NCKAP5: variants seen among roughly 807,000 people sequenced by gnomAD.
NCKAP5 encodes NCK associated protein 5.
A neutral mutation model predicts 167.0 loss-of-function variants in NCKAP5; 92 were observed. That is an observed-to-expected ratio of 0.55 (90% CI 0.47 to 0.66). The LOEUF is 0.66. Among genes scored for constraint, NCKAP5 ranks in the 30% least tolerant of loss-of-function variants. The pLI, the probability that NCKAP5 is intolerant of heterozygous loss-of-function variation, is 0.00. For missense variants in NCKAP5, 2,378 were observed against 2,315.0 expected (o/e 1.03, Z -0.56); for synonymous variants, 891 against 877.4 (o/e 1.02, Z -0.27).
chr2:133,285,207 T>C (rs992655172), intron 4 of NCKAP5, among the ~76,000 whole-genome samples: 1 of 152,198 alleles, frequency 6.6e-6, no homozygotes, highest in African/African-American at 2.4e-5. Context: ...CATCTGACAG[T>C]GGTCCAGCTA....
At chr2:133,177,046 A>G (rs1006116792) in intron 5 of NCKAP5, among the ~76,000 whole-genome samples, 1 of 152,094 alleles carries the variant, frequency 6.6e-6, no homozygotes, top group African/African-American at 2.4e-5. Context: ...AAGTCTCATG[A>G]TGACATCTCA....
At chr2:133,146,746 T>G (rs2083212299) in intron 5 of NCKAP5, among the ~76,000 whole-genome samples, 1 of 152,086 alleles carries the variant, frequency 6.6e-6, no homozygotes, top group South Asian at 2.1e-4. Flanking sequence ...AGTAGGCATT[T>G]AGTGGTCTGG....
Position 132,952,891 on chromosome 2 carries a change from A to T in NCKAP5, c.579+10829T>A, listed in dbSNP as rs559551974. On this transcript the variant is annotated intron_variant, in intron 8 of 19. Coordinates refer to ENST00000409261, the MANE Select transcript of NCKAP5 (RefSeq NM_207363.3). ...CGCCACTTGGCGTGTTTGTTTGGGC[A>T]TGTGATTTGATGCTCTACAGATGGA... Among the ~76,000 whole-genome samples the T allele has an allele frequency of 3.3e-5, 5 of 152,320 alleles. No homozygotes were observed. In the South Asian group the frequency reaches 1.0e-3, roughly 32 times the overall value.
chr2:133,639,887 G>A, the NCKAP5 span, among the ~76,000 whole-genome samples: 6 of 151,972 alleles, frequency 3.9e-5, no homozygotes, highest in South Asian at 2.1e-4. Context: ...AAATAAATGC[G>A]GAATGTCATA....
intron 6 of NCKAP5, among the ~76,000 whole-genome samples, chr2:132,997,818 G>A (rs946121678): frequency 1.3e-5 from 2 of 149,972 alleles, no homozygotes; most frequent in African/African-American, 4.9e-5. Context: ...AAAAAAAATC[G>A]GTGCAAAGAA....
intron 3 of NCKAP5, among the ~76,000 whole-genome samples, chr2:133,465,487 A>C (rs1273710449): frequency 6.6e-6 from 1 of 152,054 alleles, no homozygotes; most frequent in Non-Finnish European, 1.5e-5. Context: ...ATGTGTCTTT[A>C]TAGCAGCATG....
chr2:132,891,787 C>A (rs1221119829), intron 8 of NCKAP5, among the ~76,000 whole-genome samples: 1 of 152,122 alleles, frequency 6.6e-6, no homozygotes, highest in East Asian at 1.9e-4. Context: ...GCCTGGAGTG[C>A]GAAGGCAAGA....
intron 3 of NCKAP5, among the ~76,000 whole-genome samples, chr2:133,392,428 C>T (rs1687473902): frequency 1.3e-5 from 2 of 152,162 alleles, no homozygotes; most frequent in Admixed American, 6.5e-5. Context: ...ATGCATTTCT[C>T]AGAATACATT....
chr2:133,387,760 C>T (rs548184411), intron 3 of NCKAP5, among the ~76,000 whole-genome samples: 53 of 152,196 alleles, frequency 3.5e-4, no homozygotes, highest in African/African-American at 1.2e-3. Flanking sequence ...TCTTTTTTCT[C>T]GAAATTTCTC....
At chr2:132,980,163 A>G (rs2077091907) in intron 7 of NCKAP5, among the ~76,000 whole-genome samples, 1 of 151,034 alleles carries the variant, frequency 6.6e-6, no homozygotes, top group Non-Finnish European at 1.5e-5. Context: ...CTAATTTTTT[A>G]TATTTTTTTG....
the NCKAP5 span, among the ~76,000 whole-genome samples, chr2:133,586,924 T>C: frequency 1.3e-5 from 2 of 152,126 alleles, no homozygotes; most frequent in Non-Finnish European, 2.9e-5. Flanking sequence ...TCTTGAACAC[T>C]AAGCAGGCAA....
chr2:133,226,176 A>G (rs1440738471), intron 4 of NCKAP5, among the ~76,000 whole-genome samples: 1 of 152,114 alleles, frequency 6.6e-6, no homozygotes, highest in African/African-American at 2.4e-5. Flanking sequence ...CCTGGGCTCA[A>G]GTGATCCTCC....
chr2:133,188,329 T>C (rs1445932001), intron 5 of NCKAP5, among the ~76,000 whole-genome samples: 1 of 151,990 alleles, frequency 6.6e-6, no homozygotes, highest in African/African-American at 2.4e-5. Flanking sequence ...CACACAATAA[T>C]GATGGGAGAC....
intron 6 of NCKAP5, among the ~76,000 whole-genome samples, chr2:133,085,223 G>A (rs1273295369): frequency 2.0e-5 from 3 of 152,060 alleles, no homozygotes; most frequent in Non-Finnish European, 4.4e-5. Flanking sequence ...ACATAGTACT[G>A]CTAAGAAGTC....
chr2:133,528,866 T>C (rs10204302), intron 2 of NCKAP5, among the ~76,000 whole-genome samples: 2,713 of 152,326 alleles, frequency 0.018, 86 homozygotes, highest in African/African-American at 0.061. Flanking sequence ...TTCTTGCCGC[T>C]TCCAGTGACA....
chr2:133,489,699 A>G (rs1413608746), intron 3 of NCKAP5, among the ~76,000 whole-genome samples: 2 of 152,220 alleles, frequency 1.3e-5, no homozygotes, highest in Non-Finnish European at 2.9e-5. Flanking sequence ...ACAATACAAT[A>G]CATGAGAGTT....
chr2:132,785,451 T>G lies in NCKAP5; in HGVS notation c.1360A>C (p.Thr454Pro). 6.2e-7 allele frequency: 1 copy of G among 1,613,766 alleles called. No homozygotes were observed. The highest frequency in any genetic ancestry group is 8.5e-7 in the Non-Finnish European group (1 of 1,179,766). Residue 454 changes from threonine (T) to proline (P), a missense_variant, in exon 14 of 20, where the codon ACA (threonine) becomes CCA (proline). Around this residue, in one of 3 missense-constraint regions of NCKAP5, gnomAD observed 1,049 missense variants for 1,023.4 expected, o/e 1.02. Coordinates refer to ENST00000409261, the MANE Select transcript of NCKAP5 (RefSeq NM_207363.3). ...TTGCAGGGGCTCCCCAGGTCAGCTGTTTTGCAGGGGGGATACTCCTTGAGG... is the reference window on the plus strand; with the variant it reads ...TTGCAGGGGCTCCCCAGGTCAGCTGGTTTGCAGGGGGGATACTCCTTGAGG... The part of the protein sequence containing the change: ...SSLKEYPPCK[T>P]ADLGSPCKEP...
chr2:133,067,155 G>A (rs1021196839), intron 6 of NCKAP5, among the ~76,000 whole-genome samples: 4 of 152,084 alleles, frequency 2.6e-5, no homozygotes, highest in African/African-American at 9.7e-5. Flanking sequence ...ATGAGCCACC[G>A]TGCCCGGCCC....
chr2:132,900,810 A>C (rs939446628), intron 8 of NCKAP5, among the ~76,000 whole-genome samples: 21 of 151,970 alleles, frequency 1.4e-4, no homozygotes, highest in African/African-American at 4.8e-4. Flanking sequence ...AAATACAAAA[A>C]TTAGCCAGGC....
Sources: gnomAD v4.1 joint callset for allele counts (sites outside exome capture counted in the v4.1 genomes callset) on GRCh38, gnomAD v4.1.1 for gene constraint, gnomAD v4.1.1 regional missense constraint, MANE v1.5 for transcripts, NCBI Gene and HGNC (gene_info 2026-07-23, HGNC 2026-07-21) for gene names.